The following SLC44A2 variants were observed in gnomAD, a reference collection of about 807,000 sequenced individuals.
SLC44A2 encodes the protein solute carrier family 44 member 2 (CTL2 blood group).
A neutral mutation model predicts 90.8 loss-of-function variants in SLC44A2; 57 were observed. That is an observed-to-expected ratio of 0.63 (90% CI 0.51 to 0.78). The LOEUF is 0.78. SLC44A2 is among the 30% of genes least tolerant of loss of function. The pLI is 0.00. For missense variants in SLC44A2, 794 were observed against 919.7 expected (o/e 0.86, Z 1.77); for synonymous variants, 355 against 360.7 (o/e 0.98, Z 0.18).
At chr19:10,620,924 A>G (rs2066890788), upstream of SLC44A2, among the ~76,000 whole-genome samples, 1 of 152,126 alleles carries the variant, frequency 6.6e-6, no homozygotes. Flanking sequence ...CTATAGTCAC[A>G]GCTACTTGGG....
At chr19:10,625,319 C>T (rs559864506), upstream of SLC44A2, 67 of 456,758 alleles carry the variant, frequency 1.5e-4, no homozygotes, top group African/African-American at 1.3e-3. Context: ...GCCAGGGGTT[C>T]TAGGCGGCAT....
At chr19:10,618,781 C>A (rs996533755) in intron 1 of SLC44A2, among the ~76,000 whole-genome samples, 2 of 151,758 alleles carry the variant, frequency 1.3e-5, no homozygotes, top group Admixed American at 1.3e-4. Context: ...GCCGTGTTGC[C>A]CAGGCTGGTC....
At position 10,635,833 on chromosome 19, in the gene SLC44A2, C is replaced by T. The variant is rs1355341831; in HGVS notation, c.1233+318C>T. 4.4e-5 allele frequency: 12 copies of T among 272,962 alleles called. No homozygotes were observed. The South Asian group carries it at 4.5e-4, about 10-fold the overall frequency. The allele number at this position is 272,962 out of a possible 1,614,324, so 16.9% of individuals were successfully genotyped here. On this transcript the variant is annotated intron_variant, in intron 14 of 21. Coordinates refer to ENST00000335757, the MANE Select transcript of SLC44A2 (RefSeq NM_020428.4). The stretch of plus-strand genomic sequence containing the variant: ...CTTGCTCTGTCACCAGGCTGGAGTG[C>T]AGTGGCATGATCTCAGCTCACTGCA...
chr19:10,638,946 C>T (rs534321629), intron 20 of SLC44A2, among the ~76,000 whole-genome samples: 4 of 152,234 alleles, frequency 2.6e-5, no homozygotes, highest in South Asian at 4.1e-4. Context: ...ATTACAGGCA[C>T]GAGCCACCAC....
In SLC44A2 at chr19:10,635,032, G is replaced by A; in HGVS notation, c.1014G>A (p.Lys338=). The change falls in exon 12 of 22, where the codon AAG becomes AAA. Residue 338 remains lysine, a synonymous_variant. Coordinates refer to ENST00000335757, the MANE Select transcript of SLC44A2 (RefSeq NM_020428.4). ...TCTTGCTGCTCATCTTTCTCCGGAA[G>A]AGAATTCTCATCGCGATTGCACTCA... ...IIILLLIFLR[K]RILIAIALIK... is the part of the protein sequence containing the mutation. The A allele has an allele frequency of 1.2e-6, 2 of 1,614,164 alleles. No homozygotes were observed. Among genetic ancestry groups the A allele is most frequent in the Non-Finnish European group, 1.7e-6 (2 of 1,180,048 alleles).
At chr19:10,616,231 T>A (rs80046485) in intron 1 of SLC44A2, among the ~76,000 whole-genome samples, 2,558 of 152,022 alleles carry the variant, frequency 0.017, 79 homozygotes, top group African/African-American at 0.058. Flanking sequence ...GAAACTGTGT[T>A]CAATATACAC....
intron 1 of SLC44A2, among the ~76,000 whole-genome samples, chr19:10,613,035 A>AGTT (rs139493456): frequency 0.07 from 10,667 of 151,994 alleles, 413 homozygotes; most frequent in Middle Eastern, 0.12. Flanking sequence ...GGATTGGAGA[A>AGTT]GTTTTTGTTT....
intron 1 of SLC44A2, among the ~76,000 whole-genome samples, chr19:10,615,002 A>G (rs1328641789): frequency 6.6e-6 from 1 of 151,228 alleles, no homozygotes. Context: ...GAAGAAAAGA[A>G]AAGAAAATGT....
chr19:10,630,791 G>T (rs998565305), intron 4 of SLC44A2, among the ~76,000 whole-genome samples: 1 of 151,854 alleles, frequency 6.6e-6, no homozygotes, highest in African/African-American at 2.4e-5. Flanking sequence ...ATCACCTGAG[G>T]TCAGGAGTTT....
chr19:10,642,747 T>G, intron 21 of SLC44A2: 1 of 1,059,408 alleles, frequency 9.4e-7, no homozygotes, highest in Admixed American at 2.8e-5. Flanking sequence ...CCACTAACTC[T>G]GGTCTCTCCA....
At chr19:10,616,824 C>T (rs562618374) in intron 1 of SLC44A2, among the ~76,000 whole-genome samples, 14 of 152,214 alleles carry the variant, frequency 9.2e-5, no homozygotes, top group African/African-American at 3.1e-4. Flanking sequence ...CTCACTGCCG[C>T]CTGTAACTCC....
intron 1 of SLC44A2, among the ~76,000 whole-genome samples, chr19:10,617,015 G>A (rs1209360195): frequency 1.3e-5 from 2 of 152,136 alleles, no homozygotes; most frequent in East Asian, 1.9e-4. Context: ...TCCGCCTCCC[G>A]GGTTCATGCC....
intron 1 of SLC44A2, among the ~76,000 whole-genome samples, chr19:10,619,430 A>G (rs532267686): frequency 0.01 from 1,240 of 123,594 alleles, 6 homozygotes; most frequent in Non-Finnish European, 0.014. Context: ...CATGTTTCAG[A>G]AAAAAAAAAA....
At chr19:10,634,127 C>G (rs979664778) in intron 10 of SLC44A2, among the ~76,000 whole-genome samples, 6 of 146,502 alleles carry the variant, frequency 4.1e-5, no homozygotes, top group Admixed American at 6.9e-5. Context: ...CCCACCACCA[C>G]GCCCAGCTAA....
Position 10,637,874 on chromosome 19 carries a change from A to T in SLC44A2, c.1714A>T (p.Asn572Tyr), listed in dbSNP as rs372726473. Reference sequence around the variant, plus strand: ...CCTCCAGATTGCCATCTACGGCACCAATTTCTGCACCTCGGCCAGGAATGC... The same window carrying T: ...CCTCCAGATTGCCATCTACGGCACCTATTTCTGCACCTCGGCCAGGAATGC... ...AYIMIAIYGT[N>Y]FCTSARNAFF... Residue 572 changes from asparagine to tyrosine, a missense_variant, in exon 18 of 22, where the codon AAT becomes TAT. Physicochemically the swap from Asn to Tyr is moderately radical, Grantham distance 143. This residue lies in a region of SLC44A2 where 738 missense variants were observed against 841.1 expected (regional missense o/e 0.88). Coordinates refer to ENST00000335757, the MANE Select transcript of SLC44A2 (RefSeq NM_020428.4). 9 of 1,613,928 alleles carry T rather than the reference A, an allele frequency of 5.6e-6. No homozygotes were observed. Among genetic ancestry groups the T allele is most frequent in the Non-Finnish European group, 5.9e-6 (7 of 1,180,006 alleles).
intron 14 of SLC44A2, chr19:10,636,111 C>A: frequency 1.7e-6 from 1 of 598,002 alleles, no homozygotes; most frequent in Non-Finnish European, 2.8e-6. Flanking sequence ...TCTCCATGCC[C>A]TCTTCTTGAC....
In SLC44A2 at chr19:10,618,363, A is replaced by G. The variant is rs532015535; in HGVS notation, c.32-7890A>G. Among the ~76,000 whole-genome samples, 283 of 150,094 alleles carry G rather than the reference A, an allele frequency of 1.9e-3. 1 individual carries two copies. The highest frequency in any genetic ancestry group is 6.9e-3 in the Middle Eastern group (2 of 290). On this transcript the variant is annotated intron_variant, in intron 1 of 21. Coordinates refer to the SLC44A2 transcript ENST00000407327. ...CTACTTTTTTGTATTTTTAGTAGAG[A>G]TGGGGTTTCACCATGTTAGCCAGGA...
At chr19:10,637,571 A>G in intron 16 of SLC44A2, 73 bp from the exon 17 acceptor site, 3 of 1,341,858 alleles carry the variant, frequency 2.2e-6, no homozygotes, top group Non-Finnish European at 2.1e-6. Flanking sequence ...AGTGTGTGTG[A>G]TAGGGAAGAG....
intron 10 of SLC44A2, among the ~76,000 whole-genome samples, chr19:10,633,166 G>T (rs752018350): frequency 2.0e-5 from 3 of 151,596 alleles, no homozygotes; most frequent in Non-Finnish European, 4.4e-5. Flanking sequence ...TTGAGTTGTT[G>T]TTTTGTTGTT....
Sources: allele counts gnomAD v4.1 joint callset (sites outside exome capture counted in the v4.1 genomes callset), GRCh38; gene constraint gnomAD v4.1.1; regional missense constraint gnomAD v4.1.1; transcripts MANE v1.5; gene names NCBI Gene and HGNC (gene_info 2026-07-23, HGNC 2026-07-21).